Variants in GRID2 observed in about 807,000 individuals in gnomAD.
GRID2 encodes glutamate ionotropic receptor delta type subunit 2.
GRID2 carries 33 observed loss-of-function variants against 114.8 expected under a neutral mutation model. The ratio of observed to expected loss-of-function variants is 0.29; its 90% CI spans 0.22 to 0.38. GRID2 has a LOEUF of 0.38. Ranked by LOEUF, GRID2 falls within the 10% of genes least tolerant of loss-of-function variation. GRID2 has a pLI of 1.00. For missense variants in GRID2, 1,184 were observed against 1,257.7 expected, an observed-to-expected ratio of 0.94 and a Z score of 0.89; for synonymous variants, 505 against 449.9, an observed-to-expected ratio of 1.12 and a Z score of -1.55.
chr4:93,724,282 A>G (rs965875180), intron 14 of GRID2, among the ~76,000 whole-genome samples: 4 of 152,150 alleles, frequency 2.6e-5, no homozygotes, highest in African/African-American at 9.6e-5. Context: ...CCTGAGGTGG[A>G]GTAGAGACAA....
At chr4:92,650,647 G>T (rs757634912) in intron 2 of GRID2, among the ~76,000 whole-genome samples, 1 of 151,776 alleles carries the variant, frequency 6.6e-6, no homozygotes, top group Non-Finnish European at 1.5e-5. Context: ...TTATCATTGT[G>T]TCTCTTGGTG....
chr4:92,423,839 AT>A (rs1015707985), intron 1 of GRID2, among the ~76,000 whole-genome samples: 1 of 151,970 alleles, frequency 6.6e-6, no homozygotes, highest in Non-Finnish European at 1.5e-5. Flanking sequence ...TGAGCTGCAG[AT>A]TTTTTTGCAG....
At chr4:93,373,638 C>T (rs917829897) in intron 8 of GRID2, among the ~76,000 whole-genome samples, 1 of 152,148 alleles carries the variant, frequency 6.6e-6, no homozygotes, top group South Asian at 2.1e-4. Context: ...GTAACTGAAT[C>T]TTTGCTGTAA....
intron 14 of GRID2, among the ~76,000 whole-genome samples, chr4:93,745,835 T>C (rs952210365): frequency 9.2e-5 from 14 of 152,360 alleles, no homozygotes; most frequent in Admixed American, 7.2e-4. Context: ...TTTGTTTGTT[T>C]GTTTGTTTTA....
chr4:92,595,217 CTTT>C (rs1171887479), intron 2 of GRID2, among the ~76,000 whole-genome samples: 1 of 151,806 alleles, frequency 6.6e-6, no homozygotes, highest in Non-Finnish European at 1.5e-5. Context: ...AACTATAATA[CTTT>C]TTTATGTATT....
chr4:93,603,118 G>T (rs1335712018), intron 13 of GRID2, among the ~76,000 whole-genome samples: 5 of 152,116 alleles, frequency 3.3e-5, no homozygotes, highest in Non-Finnish European at 5.9e-5. Flanking sequence ...GCTGAGGCAG[G>T]ATAATCGCTT....
intron 1 of GRID2, among the ~76,000 whole-genome samples, chr4:93,795,349 T>C (rs1734776329): frequency 6.6e-6 from 1 of 151,834 alleles, no homozygotes; most frequent in Non-Finnish European, 1.5e-5. Flanking sequence ...GTGTGTATTA[T>C]ATATATGTTA....
intron 8 of GRID2, among the ~76,000 whole-genome samples, chr4:93,391,000 A>T (rs890122970): frequency 1.3e-5 from 2 of 152,078 alleles, no homozygotes; most frequent in East Asian, 3.9e-4. Flanking sequence ...TTTTTTTCTG[A>T]CTTTTCAAAG....
intron 1 of GRID2, among the ~76,000 whole-genome samples, chr4:92,336,241 T>C (rs887046490): frequency 8.5e-5 from 13 of 152,126 alleles, no homozygotes; most frequent in African/African-American, 3.1e-4. Flanking sequence ...TTCTAACCCC[T>C]TTTTCACTCA....
chr4:92,908,798 C>T (rs143470588), intron 2 of GRID2, among the ~76,000 whole-genome samples: 24 of 152,206 alleles, frequency 1.6e-4, no homozygotes, highest in African/African-American at 5.5e-4. Context: ...TCTTTTAGCA[C>T]GTCAACAGAG....
At chr4:93,010,392 G>T (rs565325546) in intron 2 of GRID2, among the ~76,000 whole-genome samples, 1 of 151,814 alleles carries the variant, frequency 6.6e-6, no homozygotes, top group Non-Finnish European at 1.5e-5. Context: ...TAGGAAAACC[G>T]TTTGCTTACT....
At chr4:92,977,354 A>T (rs1753941056) in intron 2 of GRID2, among the ~76,000 whole-genome samples, 1 of 152,160 alleles carries the variant, frequency 6.6e-6, no homozygotes, top group Non-Finnish European at 1.5e-5. Flanking sequence ...TCTACATCAA[A>T]GGAACAGGAA....
At chr4:92,748,787 G>T (rs911561887) in intron 2 of GRID2, among the ~76,000 whole-genome samples, 1 of 150,816 alleles carries the variant, frequency 6.6e-6, no homozygotes, top group African/African-American at 2.4e-5. Context: ...TCAGCCTCCT[G>T]AGTAGCTGGG....
At chr4:92,597,755 T>G (rs1729022680) in intron 2 of GRID2, among the ~76,000 whole-genome samples, 1 of 152,194 alleles carries the variant, frequency 6.6e-6, no homozygotes. Context: ...AACTGACTCA[T>G]TAGAGGAATC....
chr4:93,741,229 C>T (rs1275984826), intron 14 of GRID2, among the ~76,000 whole-genome samples: 1 of 121,344 alleles, frequency 8.2e-6, no homozygotes, highest in Admixed American at 9.1e-5. Flanking sequence ...TCAGACTCTA[C>T]TTACCAAGGT....
chr4:93,422,487 G>C (rs1185929905), intron 9 of GRID2, among the ~76,000 whole-genome samples: 2 of 152,036 alleles, frequency 1.3e-5, no homozygotes, highest in Non-Finnish European at 2.9e-5. Context: ...TCTCAGATTG[G>C]TCCTCCGAGG....
At chr4:92,580,711 TATA>T (rs1728139954) in intron 1 of GRID2, among the ~76,000 whole-genome samples, 1 of 150,820 alleles carries the variant, frequency 6.6e-6, no homozygotes, top group Non-Finnish European at 1.5e-5. Context: ...TGATTTTACT[TATA>T]GTAGTATAGG....
intron 8 of GRID2, among the ~76,000 whole-genome samples, chr4:93,249,945 C>T (rs1748665265): frequency 6.6e-6 from 1 of 152,094 alleles, no homozygotes; most frequent in Admixed American, 6.5e-5. Flanking sequence ...GGTGATTCCT[C>T]AAGGATATAG....
chr4:93,302,562 C>T (rs1201407689), intron 8 of GRID2: 3 of 456,010 alleles, frequency 6.6e-6, no homozygotes. Context: ...GTACGCACAA[C>T]TGAAAAATTT....
Sources: gnomAD v4.1 joint callset for allele counts (sites outside exome capture counted in the v4.1 genomes callset) on GRCh38, gnomAD v4.1.1 for gene constraint, MANE v1.5 for transcripts, NCBI Gene and HGNC (gene_info 2026-07-23, HGNC 2026-07-21) for gene names.